NRG1: variants seen among roughly 807,000 people sequenced by gnomAD.
NRG1 encodes neuregulin 1.
Under a neutral mutation model 63.8 loss-of-function variants are expected in NRG1, and 18 were observed. The observed-to-expected ratio is 0.28, with a 90% CI of 0.19 to 0.42. NRG1 has a LOEUF of 0.42. Among genes scored for constraint, NRG1 ranks in the 10% least tolerant of loss-of-function variants. The pLI, the probability that NRG1 is intolerant of heterozygous loss-of-function variation, is 1.00. For synonymous variants in NRG1, 302 were observed against 301.3 expected (o/e 1.00, Z -0.02); for missense variants, 762 against 814.7 (o/e 0.94, Z 0.79).
intron 1 of NRG1, among the ~76,000 whole-genome samples, chr8:31,720,361 T>A (rs1812786956): frequency 6.6e-6 from 1 of 152,164 alleles, no homozygotes; most frequent in Non-Finnish European, 1.5e-5. Context: ...ATGTGCAGGA[T>A]GTGCAGGTTT....
At chr8:32,183,708 T>G (rs1359584221) in intron 1 of NRG1, among the ~76,000 whole-genome samples, 1 of 152,216 alleles carries the variant, frequency 6.6e-6, no homozygotes, top group African/African-American at 2.4e-5. Context: ...TAGACTTATG[T>G]TTGGGATAGG....
Position 31,766,233 on chromosome 8 carries a change from A to G in NRG1, c.37+126802A>G, listed in dbSNP as rs373982756. 1.1e-4 allele frequency among the ~76,000 whole-genome samples: 16 copies of G among 152,304 alleles called. 1 individual carries two copies. The highest frequency in any genetic ancestry group is 3.6e-4 in the African/African-American group (15 of 41,578). On this transcript the variant is annotated intron_variant, in intron 1 of 10. Coordinates refer to the NRG1 transcript ENST00000519301. Reference sequence around the variant, plus strand: ...TCTATTAGACCTTGAAAGATAACTTAGTATTTACATGGGAGGAGACACACT... The same window carrying G: ...TCTATTAGACCTTGAAAGATAACTTGGTATTTACATGGGAGGAGACACACT...
chr8:31,699,082 A>G (rs1018766722), intron 1 of NRG1, among the ~76,000 whole-genome samples: 4 of 152,234 alleles, frequency 2.6e-5, no homozygotes, highest in African/African-American at 9.6e-5. Flanking sequence ...ATAATTTAAT[A>G]TCACTGGGAG....
Position 31,893,913 on chromosome 8 carries a change from G to C in NRG1, c.37+254482G>C, listed in dbSNP as rs541017667. ...TCAATGTTATTTAAATTGGTGTCAA[G>C]TTCTGGCTAATCTACCTACCGAATA... On this transcript the variant is annotated intron_variant, in intron 1 of 10. Transcript: ENST00000519301. Among the ~76,000 whole-genome samples, 23 of 152,124 alleles carry C rather than the reference G, an allele frequency of 1.5e-4. No individual in the cohort carries two copies. The South Asian group carries it at 4.8e-3, about 32-fold the overall frequency.
chr8:32,459,554 T>C (rs957905065), intron 1 of NRG1, among the ~76,000 whole-genome samples: 2 of 151,564 alleles, frequency 1.3e-5, no homozygotes, highest in Non-Finnish European at 2.9e-5. Context: ...GGAGGATTGC[T>C]GGGAGTTCAA....
At chr8:31,905,341 GAC>G (rs2129616084) in intron 1 of NRG1, among the ~76,000 whole-genome samples, 1 of 152,178 alleles carries the variant, frequency 6.6e-6, no homozygotes, top group East Asian at 1.9e-4. Flanking sequence ...TCACACAAAA[GAC>G]AACAACATGA....
At chr8:31,814,621 C>A (rs1258808352) in intron 1 of NRG1, among the ~76,000 whole-genome samples, 2 of 150,168 alleles carry the variant, frequency 1.3e-5, no homozygotes, top group Non-Finnish European at 3.0e-5. Flanking sequence ...GTCCGTGTTT[C>A]CCCTAATAAT....
At chr8:32,575,993 T>C (rs949419155) in intron 1 of NRG1, among the ~76,000 whole-genome samples, 1 of 152,206 alleles carries the variant, frequency 6.6e-6, no homozygotes, top group African/African-American at 2.4e-5. Flanking sequence ...AATTTATTTT[T>C]AATTAATTTT....
At chr8:32,073,908 C>CAAT (rs1325617744) in intron 1 of NRG1, among the ~76,000 whole-genome samples, 2 of 152,022 alleles carry the variant, frequency 1.3e-5, no homozygotes, top group Non-Finnish European at 2.9e-5. Flanking sequence ...TGTTATGTAG[C>CAAT]AATAAATAAT....
downstream of NRG1, among the ~76,000 whole-genome samples, chr8:32,770,171 A>T (rs1324637004): frequency 6.6e-6 from 1 of 152,198 alleles, no homozygotes. Flanking sequence ...AGATTTAAAC[A>T]TCTTTAATGG....
At chr8:32,245,439 CT>C (rs1310848512) in intron 1 of NRG1, among the ~76,000 whole-genome samples, 1 of 152,118 alleles carries the variant, frequency 6.6e-6, no homozygotes, top group East Asian at 1.9e-4. Flanking sequence ...GGTGTCCAAA[CT>C]GCTTTTTCCA....
At chr8:32,240,732 T>C (rs1433587635) in intron 1 of NRG1, among the ~76,000 whole-genome samples, 2 of 152,160 alleles carry the variant, frequency 1.3e-5, no homozygotes, top group Non-Finnish European at 2.9e-5. Flanking sequence ...AAAAAAATGC[T>C]TTGTCCTATA....
At chr8:32,490,619 A>G (rs184935888) in intron 1 of NRG1, among the ~76,000 whole-genome samples, 4 of 152,314 alleles carry the variant, frequency 2.6e-5, no homozygotes, top group Non-Finnish European at 4.4e-5. Context: ...TCATGGCCAC[A>G]TGAAGAAAGA....
chr8:32,080,520 C>T (rs2126612), intron 1 of NRG1, among the ~76,000 whole-genome samples: 147,950 of 152,240 alleles, frequency 0.97, 72,034 homozygotes, highest in East Asian at 1. Flanking sequence ...AGTGTGTGCA[C>T]TGGGATAGAT....
intron 1 of NRG1, among the ~76,000 whole-genome samples, chr8:32,400,218 C>T (rs1812991709): frequency 6.6e-6 from 1 of 152,138 alleles, no homozygotes; most frequent in Admixed American, 6.5e-5. Flanking sequence ...TTAAACTAAA[C>T]ATCTCCTGTA....
rs1587796705 is a variant in NRG1, at chr8:32,463,481, A to G, written c.38-132347A>G. ...ACTTGTTATCTCTTGACTTTTTTAT[A>G]CGAGTCAGTGTAACTTTAAATCCAC... On this transcript the variant is annotated intron_variant, in intron 1 of 10. Coordinates refer to the NRG1 transcript ENST00000519301. Among the ~76,000 whole-genome samples, 4 of 152,234 alleles carry G rather than the reference A, an allele frequency of 2.6e-5. No homozygotes were observed. In the South Asian group the frequency reaches 6.2e-4, roughly 24 times the overall value.
intron 1 of NRG1, among the ~76,000 whole-genome samples, chr8:31,807,224 T>G (rs1822372397): frequency 6.6e-6 from 1 of 152,210 alleles, no homozygotes; most frequent in Non-Finnish European, 1.5e-5. Context: ...GCCCCTCTCT[T>G]GGCTACACTC....
chr8:32,252,013 G>T lies in NRG1; in HGVS notation c.38-343815G>T, dbSNP rs529521895. ...AAATGTCTTCTTTTGTGAAGTATCT[G>T]CTCATGTCCTTTGCCCATTTTTTGA... On this transcript the variant is annotated intron_variant, in intron 1 of 10. Transcript: ENST00000519301. Among the ~76,000 whole-genome samples, 242 of 152,180 alleles carry T rather than the reference G, an allele frequency of 1.6e-3. 1 individual carries two copies. The highest frequency in any genetic ancestry group is 2.4e-3 in the Non-Finnish European group (164 of 67,998).
chr8:32,252,506 G>C (rs1413556700), intron 1 of NRG1, among the ~76,000 whole-genome samples: 1 of 152,162 alleles, frequency 6.6e-6, no homozygotes, highest in Non-Finnish European at 1.5e-5. Context: ...GATAGTTGTA[G>C]ATGTGTGGCA....
Sources: allele counts gnomAD v4.1 joint callset (sites outside exome capture counted in the v4.1 genomes callset), GRCh38; gene constraint gnomAD v4.1.1; transcripts MANE v1.5; gene names NCBI Gene and HGNC (gene_info 2026-07-23, HGNC 2026-07-21).